The following VPS13B variants were observed in gnomAD, a reference collection of about 807,000 sequenced individuals.
VPS13B encodes vacuolar protein sorting 13 homolog B.
VPS13B carries 285 observed loss-of-function variants against 426.4 expected under a neutral mutation model. That is an observed-to-expected ratio of 0.67 (90% CI 0.61 to 0.74). The LOEUF (loss-of-function observed/expected upper bound fraction) is 0.74. Among genes scored for constraint, VPS13B ranks in the 30% least tolerant of loss-of-function variants. The pLI, the probability that VPS13B is intolerant of heterozygous loss-of-function variation, is 0.00. For synonymous variants in VPS13B, 1,676 were observed against 1,676.4 expected (o/e 1.00, Z 0.01); for missense variants, 4,537 against 4,782.6 (o/e 0.95, Z 1.51).
chr8:99,086,083 C>A (rs1256103043), intron 3 of VPS13B, among the ~76,000 whole-genome samples: 7 of 152,192 alleles, frequency 4.6e-5, no homozygotes, highest in Admixed American at 4.6e-4. Context: ...CTCCCTGTCA[C>A]TTTCAGATAC....
At chr8:99,189,479 C>A (rs1813428018) in intron 16 of VPS13B, among the ~76,000 whole-genome samples, 1 of 152,062 alleles carries the variant, frequency 6.6e-6, no homozygotes, top group African/African-American at 2.4e-5. Context: ...CATTCAGAAT[C>A]AGTATTGTTT....
chr8:99,697,740 C>T (rs572079022), intron 35 of VPS13B: 32 of 622,864 alleles, frequency 5.1e-5, no homozygotes, highest in African/African-American at 2.5e-4. Flanking sequence ...GCCTAGGGCG[C>T]GCCCGTAGGG....
intron 14 of VPS13B, among the ~76,000 whole-genome samples, chr8:99,150,399 C>G (rs1237025969): frequency 6.6e-6 from 1 of 152,106 alleles, no homozygotes; most frequent in Non-Finnish European, 1.5e-5. Context: ...ATCAGTATCA[C>G]CCAAAGTCCA....
intron 21 of VPS13B, among the ~76,000 whole-genome samples, chr8:99,416,757 A>G (rs1480217034): frequency 1.3e-5 from 2 of 152,004 alleles, no homozygotes; most frequent in Non-Finnish European, 2.9e-5. Context: ...TCCACTGCCT[A>G]ACCAGTCCCA....
chr8:99,386,109 G>A (rs1814108332), intron 20 of VPS13B, among the ~76,000 whole-genome samples: 1 of 151,988 alleles, frequency 6.6e-6, no homozygotes, highest in African/African-American at 2.4e-5. Context: ...GTAACCAGTT[G>A]GGAATAATTT....
In VPS13B at chr8:99,106,082, T is replaced by A. The variant is rs567885791; in HGVS notation, c.580+2962T>A. ...ATTTTCCCTTTTATTAGTTTTTTTT[T>A]AAATAATTTTTTTTAATTGAAGCAT... On this transcript the variant is annotated intron_variant, in intron 5 of 61. Transcript: ENST00000357162. 5.9e-5 allele frequency among the ~76,000 whole-genome samples: 9 copies of A among 152,220 alleles called. No individual in the cohort carries two copies. The South Asian group carries it at 6.2e-4, about 11-fold the overall frequency.
chr8:99,118,821 C>T (rs1004766312), intron 7 of VPS13B, among the ~76,000 whole-genome samples: 3 of 151,982 alleles, frequency 2.0e-5, no homozygotes, highest in Admixed American at 1.3e-4. Flanking sequence ...GGCTGTTTTT[C>T]GTTTTTGGCT....
In VPS13B at chr8:99,544,873, T is replaced by C. The variant is rs575769279; in HGVS notation, c.4746-11577T>C. Among the ~76,000 whole-genome samples, 198 of 152,278 alleles carry C rather than the reference T, an allele frequency of 1.3e-3. 1 individual carries two copies. The highest frequency in any genetic ancestry group is 3.3e-3 in the South Asian group (16 of 4,822). On this transcript the variant is annotated intron_variant, in intron 30 of 61. Transcript: ENST00000357162. The stretch of plus-strand genomic sequence containing the variant: ...AGGTTACAGAGTACTTTTTTATATA[T>C]TCCCTCCTTTAGATTTCACCAAATC...
chr8:99,274,121 T>A (rs1026966319), intron 17 of VPS13B, 77 bp from the exon 18 acceptor site: 7 of 1,591,638 alleles, frequency 4.4e-6, no homozygotes, highest in Non-Finnish European at 6.0e-6. Context: ...TATAATTAAG[T>A]TTAAATGCCT....
intron 54 of VPS13B, among the ~76,000 whole-genome samples, chr8:99,848,374 A>G (rs1448953827): frequency 1.3e-5 from 2 of 152,190 alleles, no homozygotes; most frequent in African/African-American, 4.8e-5. Context: ...TCAACACCCA[A>G]GAGCCTGAAA....
In VPS13B at chr8:99,859,411, C is replaced by T. The variant is rs1420283003; in HGVS notation, c.10975C>T (p.Arg3659Trp). ...CAGGCTTCCGTATGAGGGGCTGACC[C>T]GGGGCCCTGGAGCCTTCGTGAGTGG... ...FFRLPYEGLT[R>W]GPGAFVSGVS... The change falls in exon 57 of 62, where the codon CGG becomes TGG. Residue 3659 changes from arginine (R) to tryptophan (W), a missense_variant. This residue lies in a region of VPS13B where 4,311 missense variants were observed against 4,474.3 expected (regional missense o/e 0.96). Coordinates refer to ENST00000357162, the MANE Select transcript of VPS13B (RefSeq NM_152564.5). The T allele has an allele frequency of 6.2e-6, 10 of 1,614,140 alleles. No individual in the cohort carries two copies. Among genetic ancestry groups the T allele is most frequent in the Non-Finnish European group, 6.8e-6 (8 of 1,180,036 alleles).
At chr8:99,390,305 A>G (rs1223447238) in intron 20 of VPS13B, among the ~76,000 whole-genome samples, 1 of 151,928 alleles carries the variant, frequency 6.6e-6, no homozygotes, top group African/African-American at 2.4e-5. Flanking sequence ...GGGTTTCACC[A>G]TGTTAGCCAG....
chr8:99,856,015 C>T (rs770752002), intron 56 of VPS13B, among the ~76,000 whole-genome samples: 2 of 152,192 alleles, frequency 1.3e-5, no homozygotes, highest in Non-Finnish European at 2.9e-5. Context: ...CTGGCAAGGA[C>T]GAAGGCTCCC....
chr8:99,490,849 C>T (rs956704466), intron 25 of VPS13B, among the ~76,000 whole-genome samples: 17 of 152,124 alleles, frequency 1.1e-4, no homozygotes, highest in African/African-American at 3.6e-4. Context: ...TTTCAAAAAA[C>T]GAGCTCTTGG....
rs547609318 is a variant in VPS13B, at chr8:99,459,983, C to A, written c.3446-7431C>A. 2.6e-5 allele frequency among the ~76,000 whole-genome samples: 4 copies of A among 152,076 alleles called. No homozygotes were observed. The South Asian group carries it at 8.3e-4, about 32-fold the overall frequency. ...TTTCCAGCTTTTTACGTTAAACTTA[C>A]TTTTGGTTTTGAATGAAAGTGTTTC... is the stretch of plus-strand genomic sequence containing the variant. On this transcript the variant is annotated intron_variant, in intron 23 of 61. Transcript: ENST00000357162.
intron 16 of VPS13B, among the ~76,000 whole-genome samples, chr8:99,176,488 G>A (rs1812639577): frequency 6.6e-6 from 1 of 152,130 alleles, no homozygotes; most frequent in Non-Finnish European, 1.5e-5. Context: ...TTCTGGAAGT[G>A]GTTCCAAGAA....
At chr8:99,556,712 G>T in intron 31 of VPS13B, 59 bp downstream of exon 31, 1 of 1,568,622 alleles carries the variant, frequency 6.4e-7, no homozygotes, top group African/African-American at 1.3e-5. Context: ...AGAATAGTTG[G>T]TGATACAATC....
intron 19 of VPS13B, among the ~76,000 whole-genome samples, chr8:99,321,363 C>T (rs1809978176): frequency 6.6e-6 from 1 of 151,954 alleles, no homozygotes; most frequent in African/African-American, 2.4e-5. Context: ...GTGGCACCAC[C>T]ACGCCCAGCT....
chr8:99,341,746 C>T, intron 19 of VPS13B: 1 of 393,862 alleles, frequency 2.5e-6, no homozygotes, highest in South Asian at 2.4e-5. Flanking sequence ...TCTTTCCCAC[C>T]AATAACATCA....
Sources: allele counts gnomAD v4.1 joint callset (sites outside exome capture counted in the v4.1 genomes callset), GRCh38; gene constraint gnomAD v4.1.1; regional missense constraint gnomAD v4.1.1; transcripts MANE v1.5; gene names NCBI Gene and HGNC (gene_info 2026-07-23, HGNC 2026-07-21).